Variants in DHX8 observed in about 807,000 individuals in gnomAD.
The protein encoded by DHX8 is DEAH-box helicase 8.
Under a neutral mutation model 140.7 loss-of-function variants are expected in DHX8, and 67 were observed. The ratio of observed to expected loss-of-function variants is 0.48; its 90% CI spans 0.39 to 0.58. DHX8 has a LOEUF of 0.58. DHX8 is among the 20% of genes least tolerant of loss of function. The pLI is 0.00. For synonymous variants in DHX8, 533 were observed against 553.2 expected, an observed-to-expected ratio of 0.96 and a Z score of 0.51; for missense variants, 887 against 1,550.7, an observed-to-expected ratio of 0.57 and a Z score of 7.19.
intron 11 of DHX8, among the ~76,000 whole-genome samples, 199 bp from the exon 12 acceptor site, chr17:43,504,445 T>C (rs375519844): frequency 2.6e-5 from 4 of 152,248 alleles, no homozygotes; most frequent in Non-Finnish European, 5.9e-5. Context: ...TAGCACCACT[T>C]GTTACAGTCT....
intron 16 of DHX8, among the ~76,000 whole-genome samples, chr17:43,508,984 G>A (rs1317172927): frequency 6.6e-6 from 1 of 152,126 alleles, no homozygotes; most frequent in African/African-American, 2.4e-5. Flanking sequence ...TAGGAATGAG[G>A]TCCAACCAAT....
At chr17:43,510,821 A>G (rs1359854518) in intron 16 of DHX8, among the ~76,000 whole-genome samples, 3 of 152,106 alleles carry the variant, frequency 2.0e-5, no homozygotes, top group African/African-American at 4.8e-5. Context: ...CCACTAACCT[A>G]TATCTTCCAT....
chr17:43,535,581 G>A (rs964473107), intron 2 of DHX8, among the ~76,000 whole-genome samples: 2 of 152,240 alleles, frequency 1.3e-5, no homozygotes, highest in Admixed American at 1.3e-4. Flanking sequence ...CCAGCCTAAA[G>A]CAGGGTTTCT....
At chr17:43,496,380 C>G (rs1005309259) in intron 9 of DHX8, 112 bp downstream of exon 9, 7 of 672,324 alleles carry the variant, frequency 1.0e-5, no homozygotes, top group African/African-American at 1.8e-5. Flanking sequence ...TTGGATCTCA[C>G]TACTCATCTC....
intron 3 of DHX8, among the ~76,000 whole-genome samples, chr17:43,542,152 A>G (rs1971556991): frequency 6.6e-6 from 1 of 152,170 alleles, no homozygotes; most frequent in African/African-American, 2.4e-5. Flanking sequence ...GATTCCTGTG[A>G]AAAGGGGAGC....
rs1969525212 is a variant in DHX8 at position 43,506,882 on chromosome 17, A to G, written c.1729-121A>G. 1.8e-5 allele frequency: 12 copies of G among 685,000 alleles called. No individual in the cohort carries two copies. The East Asian group carries it at 2.4e-4, about 14-fold the overall frequency. 42.4% of individuals were successfully genotyped at this position (685,000 alleles called of 1,614,324 possible). ...TTCCTCTTTTCTTTGGTGTTAGAAT[A>G]TAGTAATTATTTTATTCCAGAGTAA... is the stretch of plus-strand genomic sequence containing the variant. On this transcript the variant is annotated intron_variant, in intron 12 of 22. Coordinates refer to ENST00000262415, the MANE Select transcript of DHX8 (RefSeq NM_004941.3).
At chr17:43,496,554 G>A (rs922897800) in intron 9 of DHX8, among the ~76,000 whole-genome samples, 24 of 152,180 alleles carry the variant, frequency 1.6e-4, no homozygotes, top group Admixed American at 2.0e-4. Flanking sequence ...GAGGCCAGCA[G>A]ATCACCTGAG....
chr17:43,508,097 T>C (rs1403975443), intron 15 of DHX8, 78 bp downstream of exon 15: 1 of 1,387,384 alleles, frequency 7.2e-7, no homozygotes, highest in Non-Finnish European at 9.9e-7. Context: ...ATGGGTATCT[T>C]TTTTGCTAAT....
intron 11 of DHX8, among the ~76,000 whole-genome samples, chr17:43,502,304 AC>A (rs1258455406): frequency 6.6e-6 from 1 of 152,156 alleles, no homozygotes; most frequent in Admixed American, 6.6e-5. Flanking sequence ...TGTAATCCCA[AC>A]ACTTTGGGAG....
chr17:43,513,635 G>A (rs1969961164), intron 17 of DHX8, 133 bp downstream of exon 17: 2 of 781,672 alleles, frequency 2.6e-6, no homozygotes, highest in African/African-American at 1.8e-5. Context: ...AATGACATGA[G>A]GGAAGGATTT....
intron 18 of DHX8, chr17:43,518,064 C>G (rs1026680061): frequency 6.6e-6 from 1 of 152,136 alleles, no homozygotes; most frequent in Non-Finnish European, 1.5e-5. Context: ...CGACTTTGGG[C>G]AAGTTTATTT....
chr17:43,518,606 C>T (rs1439380349), intron 18 of DHX8: 1 of 150,596 alleles, frequency 6.6e-6, no homozygotes, highest in African/African-American at 2.4e-5. Context: ...AAATACATAA[C>T]AACATTTACT....
Position 43,513,362 on chromosome 17 carries a change from G to A in DHX8, c.2503G>A (p.Val835Ile). ...CCAGCTTTGCCCCTCTTGCCTGCAGGTTGTGATTGCCACCAATATCGCAGA... is the reference window on the plus strand; with the variant it reads ...CCAGCTTTGCCCCTCTTGCCTGCAGATTGTGATTGCCACCAATATCGCAGA... The part of the protein sequence containing the change: ...FDPAPPGSRK[V>I]VIATNIAETS... Residue 835 changes from valine to isoleucine, a missense_variant and splice_region_variant, in exon 17 of 23, where the codon GTT (valine) becomes ATT (isoleucine). Val to Ile is a conservative substitution (Grantham distance 29). Around this residue, in one of 9 missense-constraint regions of DHX8, gnomAD observed 151 missense variants for 388.3 expected, o/e 0.39. Coordinates refer to ENST00000262415, the MANE Select transcript of DHX8 (RefSeq NM_004941.3). 1 of 1,612,824 alleles carries A rather than the reference G, an allele frequency of 6.2e-7. No individual in the cohort carries two copies. The highest frequency in any genetic ancestry group is 8.5e-7 in the Non-Finnish European group (1 of 1,179,392).
Position 43,520,151 on chromosome 17 carries a change from C to T in DHX8, c.2821C>T (p.Leu941=). The change falls in exon 19 of 23, where the codon CTG becomes TTG. Residue 941 remains leucine (L), a synonymous_variant. Coordinates refer to ENST00000262415, the MANE Select transcript of DHX8 (RefSeq NM_004941.3). ...CTAGGCCATGGGTATCAATGATCTG[C>T]TGTCCTTTGATTTCATGGATGCCCC... is the stretch of plus-strand genomic sequence containing the variant. ...SLKAMGINDL[L]SFDFMDAPPM... 4 of 1,614,164 alleles carry T rather than the reference C, an allele frequency of 2.5e-6. No individual in the cohort carries two copies. Among genetic ancestry groups the T allele is most frequent in the Middle Eastern group, 1.6e-4 (1 of 6,062 alleles).
At chr17:43,536,522 T>C (rs922151189) in intron 3 of DHX8, 7 of 1,593,138 alleles carry the variant, frequency 4.4e-6, no homozygotes, top group Non-Finnish European at 4.3e-6. Context: ...GGAGCCCTGG[T>C]TGTCCCCTGG....
Position 43,532,680 on chromosome 17 carries a change from C to T in DHX8, c.351-3732C>T, listed in dbSNP as rs770730900. ...CCCCACCCCAGTCTCTTACCTGAGT[C>T]GTAGGCGAAGTCCGTCTGTTCCTGT... On this transcript the variant is annotated intron_variant, in intron 2 of 3. Transcript: ENST00000589898. The T allele has an allele frequency of 2.2e-5, 35 of 1,611,462 alleles. No homozygotes were observed. The Admixed American group carries it at 2.7e-4, about 12-fold the overall frequency.
At chr17:43,536,527 C>G (rs767249201) in intron 3 of DHX8, 1 of 1,566,022 alleles carries the variant, frequency 6.4e-7, no homozygotes, top group Non-Finnish European at 8.8e-7. Context: ...CCTGGTTGTC[C>G]CCTGGGAGGC....
intron 22 of DHX8, among the ~76,000 whole-genome samples, chr17:43,522,643 G>T (rs1970429962): frequency 6.6e-6 from 1 of 151,374 alleles, no homozygotes; most frequent in Non-Finnish European, 1.5e-5. Flanking sequence ...AGCTACTTGG[G>T]AGGCTGAGAC....
chr17:43,529,082 C>T (rs1970742138), downstream of DHX8: 6 of 1,553,750 alleles, frequency 3.9e-6, no homozygotes, highest in East Asian at 1.1e-4. Context: ...CCCCAGTCAG[C>T]TTCTCACAGC....
Sources: gnomAD v4.1 joint callset for allele counts (sites outside exome capture counted in the v4.1 genomes callset) on GRCh38, gnomAD v4.1.1 for gene constraint, gnomAD v4.1.1 regional missense constraint, MANE v1.5 for transcripts, NCBI Gene and HGNC (gene_info 2026-07-23, HGNC 2026-07-21) for gene names.